MYO10: variants seen among roughly 807,000 people sequenced by gnomAD.
MYO10 encodes unconventional myosin-X.
A neutral mutation model predicts 257.3 loss-of-function variants in MYO10; 133 were observed. The ratio of observed to expected loss-of-function variants is 0.52; its 90% CI spans 0.45 to 0.60. MYO10 has a LOEUF of 0.60. Among genes scored for constraint, MYO10 ranks in the 20% least tolerant of loss-of-function variants. The probability of loss-of-function intolerance (pLI) is 0.00; values close to 1 mark genes in which losing one functional copy is unlikely to be tolerated. For missense variants in MYO10, 2,399 were observed against 2,635.7 expected (o/e 0.91, Z 1.97); for synonymous variants, 1,104 against 1,028.6 (o/e 1.07, Z -1.40).
intron 19 of MYO10, among the ~76,000 whole-genome samples, chr5:16,748,084 TC>T (rs1199751137): frequency 2.6e-5 from 4 of 152,134 alleles, no homozygotes; most frequent in Admixed American, 2.6e-4. Flanking sequence ...TTTGTTTTTT[TC>T]TTTGAGACAG....
chr5:16,741,694 G>C (rs890566523), intron 19 of MYO10: 2 of 767,520 alleles, frequency 2.6e-6, no homozygotes, highest in African/African-American at 3.8e-5. Flanking sequence ...CGTGCCTGGA[G>C]AAACAGCAAA....
chr5:16,735,687 A>G (rs1333776323), intron 19 of MYO10, among the ~76,000 whole-genome samples: 23 of 139,660 alleles, frequency 1.6e-4, no homozygotes, highest in African/African-American at 6.1e-4. Context: ...AGCCTCGGGA[A>G]AAAAAAAAAA....
At chr5:16,831,911 G>A (rs749629603) in intron 2 of MYO10, among the ~76,000 whole-genome samples, 1 of 152,126 alleles carries the variant, frequency 6.6e-6, no homozygotes, top group Non-Finnish European at 1.5e-5. Context: ...CCAATAATGT[G>A]TGGCAAGTTT....
intron 2 of MYO10, among the ~76,000 whole-genome samples, chr5:16,854,836 AG>A (rs1156671586): frequency 6.6e-6 from 1 of 152,086 alleles, no homozygotes; most frequent in Non-Finnish European, 1.5e-5. Context: ...GTTCGAGACC[AG>A]CCTGGCTAAC....
At chr5:16,876,484 T>C (rs1744608236) in intron 2 of MYO10, among the ~76,000 whole-genome samples, 1 of 152,196 alleles carries the variant, frequency 6.6e-6, no homozygotes, top group Non-Finnish European at 1.5e-5. Flanking sequence ...AGTCTTCTTC[T>C]TACAGTGATC....
rs1405323989 is a variant in MYO10, at chr5:16,675,924, AAG to A, written c.4666+105_4666+106del. On this transcript the variant is annotated intron_variant, in intron 34 of 40. Coordinates refer to ENST00000513610, the MANE Select transcript of MYO10 (RefSeq NM_012334.3). ...CTTTTCCTTCCAATTCACGACGAATAAGAGAGTCTTTGAGATAAAAACAAATG... is the reference window on the plus strand; with the variant it reads ...CTTTTCCTTCCAATTCACGACGAATAAGAGTCTTTGAGATAAAAACAAATG... The A allele has an allele frequency of 4.4e-5, 58 of 1,320,182 alleles. 1 individual carries two copies. Among genetic ancestry groups the A allele is most frequent in the Middle Eastern group, 2.2e-4 (1 of 4,636 alleles). The allele number at this position is 1,320,182 out of a possible 1,614,324, so 81.8% of individuals were successfully genotyped here. A position where few individuals can be genotyped will look rare whatever the true frequency, so the allele number is the denominator to read the frequency against.
chr5:16,787,034 T>C (rs1253280232), intron 4 of MYO10, among the ~76,000 whole-genome samples: 5 of 152,116 alleles, frequency 3.3e-5, no homozygotes, highest in Non-Finnish European at 7.4e-5. Context: ...CCAGGCATGG[T>C]AGCGGGTGCC....
At position 16,731,135 on chromosome 5, in the gene MYO10, C is replaced by G. The variant is rs31306; in HGVS notation, c.1930-19890G>C. ...ATCTTGGCTCACTGCAACCTCCACCCCCTGGGTTCAAGCAATTCTCTGCCA... is the reference window on the plus strand; with the variant it reads ...ATCTTGGCTCACTGCAACCTCCACCGCCTGGGTTCAAGCAATTCTCTGCCA... On this transcript the variant is annotated intron_variant, in intron 19 of 40. Transcript: ENST00000513610. 9.2e-4 allele frequency among the ~76,000 whole-genome samples: 139 copies of G among 151,456 alleles called. 3 individuals are homozygous for G. In the East Asian group the frequency reaches 0.024, roughly 26 times the overall value.
intron 1 of MYO10, among the ~76,000 whole-genome samples, chr5:16,901,109 GCCC>G (rs1745365639): frequency 6.6e-6 from 1 of 151,980 alleles, no homozygotes; most frequent in Admixed American, 6.6e-5. Flanking sequence ...GCTCCTGCCT[GCCC>G]CTCCAGCGTT....
intron 2 of MYO10, among the ~76,000 whole-genome samples, chr5:16,824,647 T>C (rs1017170879): frequency 2.0e-5 from 3 of 152,132 alleles, no homozygotes; most frequent in East Asian, 1.9e-4. Context: ...GGCAGGCGAA[T>C]CACGAGGTCA....
At chr5:16,760,171 G>C (rs1476955999) in intron 17 of MYO10, among the ~76,000 whole-genome samples, 1 of 151,646 alleles carries the variant, frequency 6.6e-6, no homozygotes, top group African/African-American at 2.4e-5. Context: ...GTACACTTCC[G>C]CCGGGCATGG....
At chr5:16,726,287 G>C (rs1041821298) in intron 19 of MYO10, among the ~76,000 whole-genome samples, 1 of 152,136 alleles carries the variant, frequency 6.6e-6, no homozygotes, top group African/African-American at 2.4e-5. Context: ...CTCTATGGTG[G>C]TGGTGGTGAT....
intron 1 of MYO10, among the ~76,000 whole-genome samples, chr5:16,928,472 C>T (rs1464308201): frequency 6.6e-6 from 1 of 152,074 alleles, no homozygotes; most frequent in African/African-American, 2.4e-5. Flanking sequence ...GGATTACAGG[C>T]ATGAGCACAT....
intron 1 of MYO10, among the ~76,000 whole-genome samples, chr5:16,885,986 G>C (rs1184503204): frequency 6.6e-6 from 1 of 152,128 alleles, no homozygotes; most frequent in East Asian, 1.9e-4. Flanking sequence ...AAACAGAGTA[G>C]GGCACCCACG....
chr5:16,818,387 TG>T, intron 2 of MYO10, among the ~76,000 whole-genome samples: 1 of 30,246 alleles, frequency 3.3e-5, no homozygotes, highest in South Asian at 1.1e-3. Flanking sequence ...TGTGCGTGTG[TG>T]TGTGTGTGTG....
chr5:16,697,358 A>T (rs1737798188), intron 26 of MYO10, among the ~76,000 whole-genome samples: 1 of 152,202 alleles, frequency 6.6e-6, no homozygotes, highest in South Asian at 2.1e-4. Context: ...AAACGTAAAG[A>T]AGCTAACAGA....
intron 1 of MYO10, among the ~76,000 whole-genome samples, chr5:16,898,962 C>T (rs1745298599): frequency 1.0e-5 from 1 of 99,578 alleles, no homozygotes; most frequent in African/African-American, 3.3e-5. Flanking sequence ...TGGTGAAACC[C>T]CGTCTCTACT....
Position 16,842,502 on chromosome 5 carries a change from C to T in MYO10, c.121-24335G>A, listed in dbSNP as rs1478693588. Among the ~76,000 whole-genome samples, 3 of 152,306 alleles carry T rather than the reference C, an allele frequency of 2.0e-5. No individual in the cohort carries two copies. In the East Asian group the frequency reaches 5.8e-4, roughly 29 times the overall value. The stretch of plus-strand genomic sequence containing the variant: ...GCAGCCTCATCACTACGAGATGTGG[C>T]CTGACACATGTCATACCTCTTCTCA... On this transcript the variant is annotated intron_variant, in intron 2 of 40. Coordinates refer to ENST00000513610, the MANE Select transcript of MYO10 (RefSeq NM_012334.3).
chr5:16,792,499 C>T (rs1448733543), intron 4 of MYO10, among the ~76,000 whole-genome samples: 1 of 152,182 alleles, frequency 6.6e-6, no homozygotes, highest in Non-Finnish European at 1.5e-5. Flanking sequence ...TAACATTCTC[C>T]ATCCATTTCC....
Sources: allele counts gnomAD v4.1 joint callset (sites outside exome capture counted in the v4.1 genomes callset), GRCh38; gene constraint gnomAD v4.1.1; transcripts MANE v1.5; gene names NCBI Gene and HGNC (gene_info 2026-07-23, HGNC 2026-07-21).